Variants in PI4KA observed in about 807,000 individuals in gnomAD.
The protein encoded by PI4KA is phosphatidylinositol 4-kinase alpha.
Under a neutral mutation model 271.4 loss-of-function variants are expected in PI4KA, and 122 were observed. That is an observed-to-expected ratio of 0.45 (90% CI 0.39 to 0.52). The LOEUF (loss-of-function observed/expected upper bound fraction) is 0.52, where lower values mean the gene tolerates loss of function less well. PI4KA is among the 20% of genes least tolerant of loss of function. PI4KA has a pLI of 0.00. For synonymous variants in PI4KA, 1,041 were observed against 1,078.8 expected (o/e 0.96, Z 0.69); for missense variants, 1,969 against 2,769.1 (o/e 0.71, Z 6.48).
At chr22:20,795,277 A>G (rs1319699792) in intron 18 of PI4KA, among the ~76,000 whole-genome samples, 1 of 152,012 alleles carries the variant, frequency 6.6e-6, no homozygotes, top group Non-Finnish European at 1.5e-5. Context: ...CTTATTTAAA[A>G]AAAAAAACTT....
intron 19 of PI4KA, among the ~76,000 whole-genome samples, chr22:20,771,038 C>G (rs983545699): frequency 2.6e-5 from 4 of 151,880 alleles, no homozygotes; most frequent in Non-Finnish European, 5.9e-5. Flanking sequence ...AATTTTTTTC[C>G]AAGTTGGAAA....
In PI4KA at chr22:20,802,099, C is replaced by T; in HGVS notation, c.1598G>A (p.Gly533Asp). The change falls in exon 14 of 55, where the codon GGC becomes GAC. Residue 533 changes from glycine to aspartate, a missense_variant. Physicochemically the swap from Gly to Asp is moderately conservative, Grantham distance 94. Transcript: ENST00000255882. ...KYHSQYHTVA[G>D]NDIKISVTNE... ...GGTCACACTGATTTTTATATCATTGCCAGCAACTGAAAGTAAAAAATTCAA... is the reference window on the plus strand; with the variant it reads ...GGTCACACTGATTTTTATATCATTGTCAGCAACTGAAAGTAAAAAATTCAA... The T allele has an allele frequency of 1.2e-6, 2 of 1,613,578 alleles. No homozygotes were observed. Among genetic ancestry groups the T allele is most frequent in the Non-Finnish European group, 1.7e-6 (2 of 1,179,752 alleles).
Position 20,729,451 on chromosome 22 carries a change from A to G in PI4KA, c.4544T>C (p.Leu1515Pro). Residue 1515 changes from leucine to proline, a missense_variant, in exon 39 of 55, where the codon CTG (leucine) becomes CCG (proline). Transcript: ENST00000255882. Reference sequence around the variant, plus strand: ...GTTCTCTCCGGCCTGGTCTAGTTCCAGTTCCGGGGCTGACAGCGGGTTGTA... The same window carrying G: ...GTTCTCTCCGGCCTGGTCTAGTTCCGGTTCCGGGGCTGACAGCGGGTTGTA... ...TWYNPLSAPE[L>P]ELDQAGENSV... The G allele has an allele frequency of 3.1e-6, 5 of 1,611,748 alleles. No individual in the cohort carries two copies. Among genetic ancestry groups the G allele is most frequent in the Non-Finnish European group, 4.2e-6 (5 of 1,178,844 alleles).
chr22:20,737,241 A>G (rs933979514), intron 32 of PI4KA, among the ~76,000 whole-genome samples: 5 of 152,184 alleles, frequency 3.3e-5, no homozygotes, highest in African/African-American at 1.2e-4. Context: ...GGAGGATGAA[A>G]GGGCTACAAA....
At chr22:20,712,995 G>A in intron 48 of PI4KA, 198 bp from the exon 49 acceptor site, 1 of 623,922 alleles carries the variant, frequency 1.6e-6, no homozygotes, top group Non-Finnish European at 2.8e-6. Flanking sequence ...CAGGCCCTGG[G>A]CTGAGCATGA....
At chr22:20,735,015 G>A (rs1928545463) in intron 32 of PI4KA, among the ~76,000 whole-genome samples, 1 of 152,122 alleles carries the variant, frequency 6.6e-6, no homozygotes, top group Non-Finnish European at 1.5e-5. Flanking sequence ...CCTTCATCCC[G>A]CTAACCAGAT....
chr22:20,819,555 C>A, intron 6 of PI4KA, 86 bp downstream of exon 6: 1 of 1,258,680 alleles, frequency 7.9e-7, no homozygotes, highest in Non-Finnish European at 1.1e-6. Context: ...TAAGTTTACT[C>A]CAACTACAAA....
intron 22 of PI4KA, chr22:20,764,564 G>A: frequency 2.3e-6 from 1 of 441,476 alleles, no homozygotes; most frequent in Non-Finnish European, 4.1e-6. Context: ...GACTGCAACT[G>A]CTCAGAAGCC....
chr22:20,736,365 A>T (rs1160718749), intron 32 of PI4KA: 1 of 151,262 alleles, frequency 6.6e-6, no homozygotes, highest in East Asian at 1.9e-4. Context: ...AGAGGATGGA[A>T]GTCAGGTGGG....
At chr22:20,812,749 T>G (rs2147658233) in intron 8 of PI4KA, among the ~76,000 whole-genome samples, 1 of 152,260 alleles carries the variant, frequency 6.6e-6, no homozygotes, top group East Asian at 1.9e-4. Flanking sequence ...AGAGATGGGA[T>G]TTCACCATGT....
chr22:20,849,517 A>G (rs1926691823), intron 1 of PI4KA, among the ~76,000 whole-genome samples: 1 of 152,246 alleles, frequency 6.6e-6, no homozygotes, highest in Non-Finnish European at 1.5e-5. Flanking sequence ...AAATGAAGTA[A>G]TGAGATGCTA....
chr22:20,817,034 C>A (rs961758684), intron 7 of PI4KA, among the ~76,000 whole-genome samples: 2 of 152,166 alleles, frequency 1.3e-5, no homozygotes, highest in Non-Finnish European at 2.9e-5. Flanking sequence ...TATACTTAAA[C>A]AAGGAGTTGT....
intron 19 of PI4KA, 145 bp downstream of exon 19, chr22:20,793,048 T>A: frequency 1.6e-6 from 1 of 621,456 alleles, no homozygotes; most frequent in Non-Finnish European, 2.9e-6. Flanking sequence ...ATGGAAAAGC[T>A]GGTGATGGCT....
intron 23 of PI4KA, among the ~76,000 whole-genome samples, chr22:20,757,294 G>A (rs1351949245): frequency 3.9e-5 from 6 of 152,132 alleles, no homozygotes; most frequent in Non-Finnish European, 8.8e-5. Context: ...TAAGTGCCAC[G>A]CTCAGAACAA....
Position 20,786,872 on chromosome 22 carries a change from C to CA in PI4KA, c.2328+6320dup, listed in dbSNP as rs753562748. ...GAATCTGACAACTTTCCTTTCCAAA[C>CA]AGTTCAAGCACCAAGGCACGATCAC... On this transcript the variant is annotated intron_variant, in intron 19 of 54. Coordinates refer to ENST00000255882, the MANE Select transcript of PI4KA (RefSeq NM_058004.4). 2.5e-6 allele frequency: 4 copies of CA among 1,614,172 alleles called. No individual in the cohort carries two copies. The South Asian group carries it at 4.4e-5, about 18-fold the overall frequency.
intron 23 of PI4KA, among the ~76,000 whole-genome samples, chr22:20,757,657 C>T (rs149679139): frequency 0.01 from 1,575 of 152,150 alleles, 25 homozygotes; most frequent in African/African-American, 0.036. Context: ...GATTCTCCTG[C>T]CTTGGCCTCC....
rs752804856 is a variant in PI4KA at position 20,765,676 on chromosome 22, T to A, written c.2346A>T (p.Pro782=). 2 of 1,610,592 alleles carry A rather than the reference T, an allele frequency of 1.2e-6. No homozygotes were observed. The highest frequency in any genetic ancestry group is 1.7e-6 in the Non-Finnish European group (2 of 1,177,102). ...ACCGAGGCTTAGCTTCTTTGATGGG[T>A]GGCAGTCGTCGGGTGAGCTGATGTG... is the stretch of plus-strand genomic sequence containing the variant. ...PVIAVLTRRL[P]PIKEAKPRLQ... Residue 782 remains proline (P), a synonymous_variant, in exon 20 of 55, where the codon CCA becomes CCT. Transcript: ENST00000255882.
chr22:20,764,152 C>T (rs1200124853), intron 22 of PI4KA, among the ~76,000 whole-genome samples: 1 of 152,158 alleles, frequency 6.6e-6, no homozygotes, highest in Non-Finnish European at 1.5e-5. Context: ...AGCCAATGTA[C>T]TCAGCTGCTG....
chr22:20,789,121 T>C (rs1184288376), intron 19 of PI4KA, among the ~76,000 whole-genome samples: 1 of 151,874 alleles, frequency 6.6e-6, no homozygotes, highest in African/African-American at 2.4e-5. Context: ...AGCAGGAGAG[T>C]ACTCATTCAG....
Sources: gnomAD v4.1 joint callset for allele counts (sites outside exome capture counted in the v4.1 genomes callset) on GRCh38, gnomAD v4.1.1 for gene constraint, MANE v1.5 for transcripts, NCBI Gene and HGNC (gene_info 2026-07-23, HGNC 2026-07-21) for gene names.